Variants in PCDH11Y observed in about 807,000 individuals in gnomAD.
PCDH11Y encodes protocadherin 11 Y-linked, also known as protocadherin-11 Y-linked.
For synonymous variants in PCDH11Y, 9 were observed against 83.6 expected (o/e 0.11, Z 4.87); for missense variants, 12 against 224.8 (o/e 0.05, Z 6.05).
intron 1 of PCDH11Y, among the ~76,000 whole-genome samples, chrY:5,097,571 T>A: frequency 3.0e-5 from 1 of 33,372 alleles, no homozygotes; most frequent in Non-Finnish European, 7.4e-5. Flanking sequence ...CATTGTGTGT[T>A]CTCACTGATA....
intron 4 of PCDH11Y, among the ~76,000 whole-genome samples, chrY:5,735,597 A>G (rs2053608809): frequency 3.0e-5 from 1 of 33,206 alleles, no homozygotes; most frequent in Non-Finnish European, 7.4e-5. Flanking sequence ...TTTTGTATTT[A>G]TTATTTTGCT....
rs1370901447 is a variant in PCDH11Y at position 5,373,732 on chromosome Y, A to G, written c.3130-127325A>G. On this transcript the variant is annotated intron_variant, in intron 2 of 4. Coordinates refer to the PCDH11Y transcript ENST00000400457. Reference sequence around the variant, plus strand: ...TACTTATATGTTTATATATATATATATGTGTGTATATATACACACACACAC... The same window carrying G: ...TACTTATATGTTTATATATATATATGTGTGTGTATATATACACACACACAC... Among the ~76,000 whole-genome samples the G allele has an allele frequency of 2.3e-3, 57 of 24,387 alleles. No homozygotes were observed. The East Asian group carries it at 0.044, about 19-fold the overall frequency. 65.4% of individuals were successfully genotyped at this position (24,387 alleles called of 37,273 possible).
intron 2 of PCDH11Y, among the ~76,000 whole-genome samples, chrY:5,320,472 G>T (rs2053111417): frequency 3.0e-5 from 1 of 33,387 alleles, no homozygotes; most frequent in Non-Finnish European, 7.4e-5. Flanking sequence ...TGCTATTCAA[G>T]TTCCAAGACG....
chrY:5,046,714 G>A (rs2052641943), intron 3 of PCDH11Y, among the ~76,000 whole-genome samples: 1 of 33,403 alleles, frequency 3.0e-5, no homozygotes, highest in Non-Finnish European at 7.5e-5. Flanking sequence ...CCCCAGCCTC[G>A]CTGCCGCCTT....
chrY:5,243,082 C>A (rs2052990449), intron 2 of PCDH11Y, among the ~76,000 whole-genome samples: 1 of 33,202 alleles, frequency 3.0e-5, no homozygotes, highest in South Asian at 6.6e-4. Context: ...CAATGGTAGC[C>A]CACTTGTGAG....
At position 5,650,772 on chromosome Y, in the gene PCDH11Y, GT is replaced by G. The variant is rs1415869576; in HGVS notation, c.3352+68980del. Among the ~76,000 whole-genome samples, 3 of 31,967 alleles carry G rather than the reference GT, an allele frequency of 9.4e-5. No individual in the cohort carries two copies. The South Asian group carries it at 2.0e-3, about 22-fold the overall frequency. The allele number at this position is 31,967 out of a possible 37,273, so 85.8% of individuals were successfully genotyped here. On this transcript the variant is annotated intron_variant, in intron 4 of 4. Transcript: ENST00000400457. ...ATTTTATAAAAAATTGACATATGAA[GT>G]TTTTTAATGAATATATTAAATAAGC...
At chrY:5,292,125 A>G in intron 2 of PCDH11Y, among the ~76,000 whole-genome samples, 1 of 32,606 alleles carries the variant, frequency 3.1e-5, no homozygotes, top group Admixed American at 2.8e-4. Flanking sequence ...TGCTCTATTT[A>G]ATATATTGTC....
At position 5,126,712 on chromosome Y, in the gene PCDH11Y, G is replaced by A. The variant is rs1602872259; in HGVS notation, c.3129+26005G>A. Among the ~76,000 whole-genome samples the A allele has an allele frequency of 9.2e-5, 3 of 32,697 alleles. No individual in the cohort carries two copies. In the East Asian group the frequency reaches 2.4e-3, roughly 26 times the overall value. The allele number at this position is 32,697 out of a possible 37,273, so 87.7% of individuals were successfully genotyped here. A position where few individuals can be genotyped will look rare whatever the true frequency, so the allele number is the denominator to read the frequency against. On this transcript the variant is annotated intron_variant, in intron 2 of 4. Coordinates refer to the PCDH11Y transcript ENST00000400457. ...AATCCTACCAACTCAATGATAATAA[G>A]TGTTACTTCAGTGCATATTCTTTCA...
chrY:5,639,076 T>C, intron 4 of PCDH11Y, among the ~76,000 whole-genome samples: 1 of 31,355 alleles, frequency 3.2e-5, no homozygotes, highest in Non-Finnish European at 7.7e-5. Context: ...ATAGTATCAA[T>C]AGCTGTATCT....
At chrY:5,543,778 A>T (rs1602940980) in intron 3 of PCDH11Y, among the ~76,000 whole-genome samples, 1 of 33,866 alleles carries the variant, frequency 3.0e-5, no homozygotes, top group Admixed American at 2.7e-4. Flanking sequence ...GCCTCAGAGG[A>T]ACAAAATTAT....
intron 2 of PCDH11Y, among the ~76,000 whole-genome samples, chrY:5,423,622 A>G: frequency 3.0e-5 from 1 of 33,509 alleles, no homozygotes; most frequent in African/African-American, 1.2e-4. Context: ...ATTCTGCAAT[A>G]TGCTACAACA....
At chrY:5,379,963 A>G (rs2124674282) in intron 2 of PCDH11Y, among the ~76,000 whole-genome samples, 2 of 27,035 alleles carry the variant, frequency 7.4e-5, no homozygotes, top group Admixed American at 7.3e-4. Flanking sequence ...ACAGCAAAAC[A>G]AAGAGCACCC....
At chrY:5,164,614 T>G (rs2124644735) in intron 2 of PCDH11Y, among the ~76,000 whole-genome samples, 2 of 31,667 alleles carry the variant, frequency 6.3e-5, no homozygotes, top group South Asian at 1.4e-3. Context: ...TACCCCACCT[T>G]CAGAAAAGAA....
At chrY:5,044,263 C>G (rs2052626724) in intron 3 of PCDH11Y, among the ~76,000 whole-genome samples, 2 of 32,510 alleles carry the variant, frequency 6.2e-5, no homozygotes, top group Non-Finnish European at 1.5e-4. Context: ...TATAAATTTC[C>G]CTCTACACAC....
chrY:5,138,440 A>G, intron 2 of PCDH11Y, among the ~76,000 whole-genome samples: 2 of 32,655 alleles, frequency 6.1e-5, no homozygotes, highest in African/African-American at 2.4e-4. Context: ...AAACAAAAAT[A>G]TAATAGATAA....
intron 3 of PCDH11Y, among the ~76,000 whole-genome samples, chrY:5,581,163 T>G: frequency 3.0e-5 from 1 of 32,862 alleles, no homozygotes; most frequent in Non-Finnish European, 7.6e-5. Flanking sequence ...CAATAATCTC[T>G]AATCCCTTAT....
intron 2 of PCDH11Y, among the ~76,000 whole-genome samples, chrY:5,248,745 A>G: frequency 3.1e-5 from 1 of 32,587 alleles, no homozygotes; most frequent in East Asian, 8.0e-4. Flanking sequence ...GGCAAGATAA[A>G]TAAATAACGG....
At chrY:5,711,056 T>C in intron 4 of PCDH11Y, among the ~76,000 whole-genome samples, 10 of 23,181 alleles carry the variant, frequency 4.3e-4, no homozygotes, top group Non-Finnish European at 8.8e-4. Context: ...GAGTCGCTAT[T>C]GGAACTGAGG....
intron 1 of PCDH11Y, among the ~76,000 whole-genome samples, chrY:5,070,718 G>A (rs2124630638): frequency 3.2e-5 from 1 of 31,497 alleles, no homozygotes; most frequent in South Asian, 7.3e-4. Flanking sequence ...TTTATTTTAG[G>A]TTTAGGAGTA....
Sources: allele counts gnomAD v4.1 joint callset (sites outside exome capture counted in the v4.1 genomes callset), GRCh38; gene constraint gnomAD v4.1.1; transcripts MANE v1.5; gene names NCBI Gene and HGNC (gene_info 2026-07-23, HGNC 2026-07-21).